Variants in TTC34 observed in about 807,000 individuals in gnomAD.
TTC34 encodes tetratricopeptide repeat domain 34, also known as tetratricopeptide repeat protein 34.
Under a neutral mutation model 40.7 loss-of-function variants are expected in TTC34, and 44 were observed. That is an observed-to-expected ratio of 1.08 (90% CI 0.85 to 1.39). The LOEUF (loss-of-function observed/expected upper bound fraction) is 1.39. Ranked by LOEUF, TTC34 falls within the 40% of genes most tolerant of loss-of-function variation. TTC34 has a pLI of 0.00. For synonymous variants in TTC34, 422 were observed against 398.6 expected, an observed-to-expected ratio of 1.06 and a Z score of -0.70; for missense variants, 884 against 838.0, an observed-to-expected ratio of 1.05 and a Z score of -0.68.
Position 2,750,079 on chromosome 1 carries a change from G to A in TTC34, c.2226+33530C>T, listed in dbSNP as rs1466569642. Among the ~76,000 whole-genome samples, 17 of 6,310 alleles carry A rather than the reference G, an allele frequency of 2.7e-3. 3 individuals are homozygous for A. The highest frequency in any genetic ancestry group is 7.6e-3 in the South Asian group (2 of 262). 4.1% of individuals were successfully genotyped at this position (6,310 alleles called of 152,430 possible). On this transcript the variant is annotated intron_variant, in intron 6 of 8. Transcript: ENST00000401095. ...AGCATCTGACAGCCTGGAGCAGCAGGCACACCCCCAGTGAGCATCTGACAG... is the reference window on the plus strand; with the variant it reads ...AGCATCTGACAGCCTGGAGCAGCAGACACACCCCCAGTGAGCATCTGACAG...
intron 6 of TTC34, among the ~76,000 whole-genome samples, chr1:2,684,851 T>G (rs544594133): frequency 1.8e-5 from 2 of 108,234 alleles, no homozygotes; most frequent in Non-Finnish European, 3.4e-5. Context: ...CAGGTGAGCA[T>G]CTGACAGCCT....
At position 2,645,670 on chromosome 1, in the gene TTC34, T is replaced by C; in HGVS notation, c.2227-107A>G. 8.1e-7 allele frequency: 1 copy of C among 1,227,002 alleles called. No homozygotes were observed. The highest frequency in any genetic ancestry group is 1.1e-6 in the Non-Finnish European group (1 of 931,202). 76.0% of individuals were successfully genotyped at this position (1,227,002 alleles called of 1,614,324 possible). A position where few individuals can be genotyped will look rare whatever the true frequency, so the allele number is the denominator to read the frequency against. Reference sequence around the variant, plus strand: ...CTGTCTTTCTCATTCCCTGATCTTCTCCCTGGGGTCCTAGAGGGTCTGAAC... The same window carrying C: ...CTGTCTTTCTCATTCCCTGATCTTCCCCCTGGGGTCCTAGAGGGTCTGAAC... On this transcript the variant is annotated intron_variant, in intron 6 of 8. Coordinates refer to ENST00000401095, the Ensembl canonical transcript of TTC34. This position sits in a 1 kb window ranked among gnomAD's most constrained non-coding sequence, Gnocchi z 4.7.
chr1:2,758,849 A>C (rs1641596516), intron 6 of TTC34, among the ~76,000 whole-genome samples: 14 of 32,448 alleles, frequency 4.3e-4, no homozygotes, highest in African/African-American at 8.7e-4. Context: ...ACAGGTGAGC[A>C]TCTGACAACC....
At chr1:2,757,120 TCTGACAG>T (rs1641533410) in intron 6 of TTC34, among the ~76,000 whole-genome samples, 1 of 130,588 alleles carries the variant, frequency 7.7e-6, no homozygotes, top group Non-Finnish European at 1.6e-5. Context: ...CAGGTAAGCA[TCTGACAG>T]CCTGGAACAG....
intron 5 of TTC34, 122 bp downstream of exon 5, chr1:2,785,697 G>A (rs1415565394): frequency 2.7e-6 from 3 of 1,131,150 alleles, no homozygotes; most frequent in Admixed American, 5.9e-5. Flanking sequence ...ACCCGTGGGT[G>A]TTCCTGAGGC....
intron 1 of TTC34, among the ~76,000 whole-genome samples, chr1:2,801,374 C>A (rs1643770596): frequency 6.6e-6 from 1 of 152,134 alleles, no homozygotes; most frequent in African/African-American, 2.4e-5. Flanking sequence ...ACCTGCCAGG[C>A]CCTTGGGTCG....
chr1:2,777,820 T>A (rs541843537), intron 6 of TTC34, among the ~76,000 whole-genome samples: 3 of 152,294 alleles, frequency 2.0e-5, no homozygotes, highest in Non-Finnish European at 4.4e-5. Flanking sequence ...TTTCCCTGCC[T>A]CTGGTCCTGC....
chr1:2,755,772 C>G (rs1427848180), intron 6 of TTC34, among the ~76,000 whole-genome samples: 178 of 121,278 alleles, frequency 1.5e-3, no homozygotes, highest in African/African-American at 3.2e-3. Flanking sequence ...CAGCCTGGAA[C>G]GGCACCCACA....
Position 2,751,897 on chromosome 1 carries a change from T to G in TTC34, c.2226+31712A>C, listed in dbSNP as rs1195297338. On this transcript the variant is annotated intron_variant, in intron 6 of 8. Coordinates refer to ENST00000401095, the Ensembl canonical transcript of TTC34. ...CTGGAGCAGCACCCACACCCCCAGG[T>G]GAGCATCTGATGGTCTGGAGCAGCA... Among the ~76,000 whole-genome samples, 6 of 87,318 alleles carry G rather than the reference T, an allele frequency of 6.9e-5. 2 individuals are homozygous for G. Among genetic ancestry groups the G allele is most frequent in the African/African-American group, 1.0e-4 (2 of 19,066 alleles). The allele number at this position is 87,318 out of a possible 152,430, so 57.3% of individuals were successfully genotyped here.
At chr1:2,652,202 G>A (rs33983886) in intron 6 of TTC34, among the ~76,000 whole-genome samples, 3 of 1,114 alleles carry the variant, frequency 2.7e-3, no homozygotes, top group Non-Finnish European at 3.7e-3. Flanking sequence ...ACAGCACCCT[G>A]CACCCCCAAG....
At chr1:2,692,454 G>A (rs1369048859) in intron 6 of TTC34, among the ~76,000 whole-genome samples, 8 of 135,914 alleles carry the variant, frequency 5.9e-5, no homozygotes, top group Admixed American at 5.3e-4. Flanking sequence ...GCCTGGAGCA[G>A]CACCCACACC....
chr1:2,752,522 G>C (rs1641356975), intron 6 of TTC34, among the ~76,000 whole-genome samples: 3 of 132,864 alleles, frequency 2.3e-5, no homozygotes, highest in African/African-American at 6.1e-5. Flanking sequence ...GCCTGGAGCA[G>C]CACCCACATC....
intron 6 of TTC34, among the ~76,000 whole-genome samples, chr1:2,700,932 AC>A (rs1301499290): frequency 5.9e-5 from 1 of 16,916 alleles, no homozygotes; most frequent in African/African-American, 1.3e-4. Flanking sequence ...ATAAAACAGC[AC>A]CCCTACTGGC....
At chr1:2,776,306 G>T (rs1183257729) in intron 6 of TTC34, 1 of 124,362 alleles carries the variant, frequency 8.0e-6, no homozygotes, top group East Asian at 2.3e-4. Context: ...GATTCCAACA[G>T]CATGGAACAA....
At chr1:2,752,804 G>C (rs1641368007) in intron 6 of TTC34, among the ~76,000 whole-genome samples, 1 of 127,926 alleles carries the variant, frequency 7.8e-6, no homozygotes, top group Non-Finnish European at 1.6e-5. Context: ...GCCTGGAACA[G>C]CTCCCTGCAT....
intron 6 of TTC34, among the ~76,000 whole-genome samples, chr1:2,752,496 A>T (rs1641355646): frequency 2.8e-5 from 4 of 143,798 alleles, no homozygotes; most frequent in East Asian, 2.1e-4. Context: ...CCACACAGCC[A>T]GGTGAGCATC....
At chr1:2,792,581 G>T (rs928641559) in intron 2 of TTC34, among the ~76,000 whole-genome samples, 1 of 152,184 alleles carries the variant, frequency 6.6e-6, no homozygotes, top group Non-Finnish European at 1.5e-5. Context: ...AAATTCTATT[G>T]CTTTTTGGTG....
chr1:2,684,403 T>G (rs1159937374), intron 6 of TTC34, among the ~76,000 whole-genome samples: 1 of 142,338 alleles, frequency 7.0e-6, no homozygotes, highest in East Asian at 2.2e-4. Flanking sequence ...CACCCCCAGG[T>G]GAGCATCTGA....
At chr1:2,757,467 A>C (rs1641544012) in intron 6 of TTC34, among the ~76,000 whole-genome samples, 26 of 64,366 alleles carry the variant, frequency 4.0e-4, no homozygotes, top group East Asian at 5.0e-4. Flanking sequence ...GCAGCACCCC[A>C]CACCCCCAGG....
Sources: allele counts gnomAD v4.1 joint callset (sites outside exome capture counted in the v4.1 genomes callset), GRCh38; gene constraint gnomAD v4.1.1; non-coding constraint Gnocchi (gnomAD v3.1); transcripts MANE v1.5; gene names NCBI Gene and HGNC (gene_info 2026-07-23, HGNC 2026-07-21).